Variants in C1orf159 observed in about 807,000 individuals in gnomAD.
C1orf159 encodes uncharacterized protein C1orf159.
A neutral mutation model predicts 25.6 loss-of-function variants in C1orf159; 19 were observed. That is an observed-to-expected ratio of 0.74 (90% CI 0.52 to 1.09). The LOEUF is 1.09. Among genes scored for constraint, C1orf159 ranks in the 50% least tolerant of loss-of-function variants. C1orf159 has a pLI of 0.00. For missense variants in C1orf159, 274 were observed against 290.6 expected, an observed-to-expected ratio of 0.94 and a Z score of 0.42; for synonymous variants, 139 against 124.7, an observed-to-expected ratio of 1.12 and a Z score of -0.77.
intron 7 of C1orf159, among the ~76,000 whole-genome samples, chr1:1,085,592 G>A (rs1486841658): frequency 1.3e-5 from 2 of 152,226 alleles, no homozygotes; most frequent in Non-Finnish European, 1.5e-5. Context: ...GTGATGCCCT[G>A]AGGGCCCCGG....
intron 1 of C1orf159, among the ~76,000 whole-genome samples, chr1:1,113,195 C>CAA (rs545670130): frequency 7.4e-5 from 10 of 134,242 alleles, no homozygotes; most frequent in Admixed American, 7.6e-5. Context: ...GACTCCATCT[C>CAA]AAAAAAAAAA....
At chr1:1,112,108 C>G (rs974384963) in intron 1 of C1orf159, among the ~76,000 whole-genome samples, 2 of 152,174 alleles carry the variant, frequency 1.3e-5, no homozygotes, top group African/African-American at 4.8e-5. Context: ...GAATGTCAGG[C>G]CACCATCAGG....
At chr1:1,091,631 C>A in intron 2 of C1orf159, 66 bp from the exon 3 acceptor site, 8 of 832,268 alleles carry the variant, frequency 9.6e-6, no homozygotes, top group Non-Finnish European at 1.2e-5. Flanking sequence ...TGGGTGGGGC[C>A]AAATGAAAGT....
At chr1:1,093,000 A>G (rs1359064692) in intron 1 of C1orf159, among the ~76,000 whole-genome samples, 7 of 151,906 alleles carry the variant, frequency 4.6e-5, no homozygotes, top group Non-Finnish European at 1.0e-4. Context: ...CAGTGAACGG[A>G]GACTGCACTC....
chr1:1,105,858 G>A (rs1444250992), intron 1 of C1orf159: 1 of 152,242 alleles, frequency 6.6e-6, no homozygotes, highest in African/African-American at 2.4e-5. Context: ...CTGGGCTACA[G>A]AGCGAGACTC....
At chr1:1,096,670 A>G (rs1390444358) in intron 1 of C1orf159, among the ~76,000 whole-genome samples, 1 of 152,218 alleles carries the variant, frequency 6.6e-6, no homozygotes, top group Non-Finnish European at 1.5e-5. Context: ...TATTCTTCCA[A>G]GAGTTTATCC....
intron 1 of C1orf159, among the ~76,000 whole-genome samples, chr1:1,108,753 G>A (rs112057782): frequency 2.3e-4 from 6 of 26,380 alleles, no homozygotes; most frequent in Non-Finnish European, 2.5e-4. Context: ...ACCATGTCTC[G>A]GCAGCACCGT....
chr1:1,082,849 C>T lies in C1orf159; in HGVS notation c.*44G>A, dbSNP rs375991195. On this transcript the variant is annotated 3_prime_UTR_variant, in exon 10 of 10. Transcript: ENST00000421241. The stretch of plus-strand genomic sequence containing the variant: ...TGGTTCCCGCCAAGGGGTCGGCCTC[C>T]GGGTCCCTGCCGCCAAGTGCGTGGC... The T allele has an allele frequency of 2.7e-5, 41 of 1,519,362 alleles. No individual in the cohort carries two copies. The East Asian group carries it at 4.6e-4, about 17-fold the overall frequency. The allele number at this position is 1,519,362 out of a possible 1,614,324, so 94.1% of individuals were successfully genotyped here.
rs940896561 is a variant in C1orf159 at position 1,087,489 on chromosome 1, C to A, written c.244+13G>T. ...CTGTGAGAAGGGAGCCGGGGGGAGC[C>A]GGGCAGACCTACAGCTTCTACACTC... On this transcript the variant is annotated intron_variant, in intron 5 of 9. Transcript: ENST00000421241. The surrounding 1 kb of genome is among the most constrained non-coding windows in gnomAD (Gnocchi z 8.3). 2 of 1,542,810 alleles carry A rather than the reference C, an allele frequency of 1.3e-6. No homozygotes were observed. Among genetic ancestry groups the A allele is most frequent in the Non-Finnish European group, 1.8e-6 (2 of 1,141,440 alleles).
chr1:1,091,219 C>A, intron 3 of C1orf159: 1 of 617,774 alleles, frequency 1.6e-6, no homozygotes, highest in Admixed American at 2.9e-5. Context: ...CCATTGCGGG[C>A]CAGGATGCCT....
At chr1:1,104,686 C>A (rs1323677087) in intron 1 of C1orf159, among the ~76,000 whole-genome samples, 7 of 152,098 alleles carry the variant, frequency 4.6e-5, no homozygotes, top group Non-Finnish European at 1.0e-4. Context: ...TATCAGCTAC[C>A]TGGGAGGCTG....
chr1:1,086,435 C>T (rs530639973), intron 6 of C1orf159, among the ~76,000 whole-genome samples: 14 of 152,370 alleles, frequency 9.2e-5, no homozygotes, highest in African/African-American at 3.1e-4. Context: ...GCAGCAGGTG[C>T]TCCTGCACCC....
chr1:1,100,533 G>A lies in C1orf159; in HGVS notation c.-135-8430C>T, dbSNP rs893151738. Among the ~76,000 whole-genome samples the A allele has an allele frequency of 5.3e-5, 8 of 152,248 alleles. No individual in the cohort carries two copies. The East Asian group carries it at 5.8e-4, about 11-fold the overall frequency. On this transcript the variant is annotated intron_variant, in intron 1 of 9. Transcript: ENST00000421241. Reference sequence around the variant, plus strand: ...CAAAGTCCATGGTTGACACGAGGGCGCACTCTTGGTGCTGCACGTTCTTGG... The same window carrying A: ...CAAAGTCCATGGTTGACACGAGGGCACACTCTTGGTGCTGCACGTTCTTGG...
intron 1 of C1orf159, among the ~76,000 whole-genome samples, chr1:1,099,665 A>G (rs1200093752): frequency 1.3e-3 from 100 of 76,530 alleles, no homozygotes; most frequent in African/African-American, 6.0e-3. Flanking sequence ...ATGATTGTGG[A>G]TTGTCTGCTG....
chr1:1,096,086 G>C (rs1331657945), intron 1 of C1orf159, among the ~76,000 whole-genome samples: 1 of 152,154 alleles, frequency 6.6e-6, no homozygotes, highest in East Asian at 1.9e-4. Context: ...CCTTCGTAAG[G>C]ATTTTTGCCT....
intron 1 of C1orf159, among the ~76,000 whole-genome samples, chr1:1,098,335 C>T (rs1212778125): frequency 2.0e-5 from 3 of 152,216 alleles, no homozygotes; most frequent in African/African-American, 4.8e-5. Flanking sequence ...TCCCAAAGTG[C>T]AGGGATTACA....
Position 1,103,647 on chromosome 1 carries a change from C to T in C1orf159, c.-135-11544G>A, listed in dbSNP as rs547087605. Among the ~76,000 whole-genome samples, 21 of 152,318 alleles carry T rather than the reference C, an allele frequency of 1.4e-4. No homozygotes were observed. In the South Asian group the frequency reaches 3.1e-3, roughly 23 times the overall value. ...TCCCCTCTGGCTCTTTCTGGGGCTT[C>T]TACTCTCTTTTTCGAGGAGCTATGG... is the stretch of plus-strand genomic sequence containing the variant. On this transcript the variant is annotated intron_variant, in intron 1 of 9. Transcript: ENST00000421241.
chr1:1,114,107 G>A (rs1277391505), intron 1 of C1orf159, among the ~76,000 whole-genome samples: 2 of 151,958 alleles, frequency 1.3e-5, no homozygotes, highest in Non-Finnish European at 2.9e-5. Flanking sequence ...ATCAGAGACG[G>A]GGTTTCACCA....
At position 1,084,652 on chromosome 1, in the gene C1orf159, G is replaced by A. The variant is rs1028377393; in HGVS notation, c.446-146C>T. On this transcript the variant is annotated intron_variant, in intron 7 of 9. Transcript: ENST00000421241. ...TCGGAGCAGCAGAGGCCCCGGGGCT[G>A]CAGGGTCTCCCCCAACCTCTCCCTG... 1.9e-5 allele frequency: 19 copies of A among 1,002,244 alleles called. No individual in the cohort carries two copies. The African/African-American group carries it at 3.0e-4, about 16-fold the overall frequency. 62.1% of individuals were successfully genotyped at this position (1,002,244 alleles called of 1,614,324 possible).
Sources: allele counts gnomAD v4.1 joint callset (sites outside exome capture counted in the v4.1 genomes callset), GRCh38; gene constraint gnomAD v4.1.1; non-coding constraint Gnocchi (gnomAD v3.1); transcripts MANE v1.5; gene names NCBI Gene and HGNC (gene_info 2026-07-23, HGNC 2026-07-21).